PCDH17: variants seen among roughly 807,000 people sequenced by gnomAD.
PCDH17 encodes the protein protocadherin 17.
Under a neutral mutation model 67.7 loss-of-function variants are expected in PCDH17, and 21 were observed. The observed-to-expected ratio is 0.31, with a 90% CI of 0.22 to 0.45. PCDH17 has a LOEUF of 0.45. Ranked by LOEUF, PCDH17 falls within the 20% of genes least tolerant of loss-of-function variation. PCDH17 has a pLI of 1.00. For synonymous variants in PCDH17, 701 were observed against 656.7 expected (o/e 1.07, Z -1.03); for missense variants, 1,471 against 1,564.8 (o/e 0.94, Z 1.01).
intron 3 of PCDH17, among the ~76,000 whole-genome samples, chr13:57,675,804 T>C (rs111664665): frequency 2.0e-5 from 3 of 151,866 alleles, no homozygotes; most frequent in Non-Finnish European, 2.9e-5. Flanking sequence ...GGAGGTAACA[T>C]TGCAAACTTG....
At position 57,634,781 on chromosome 13, in the gene PCDH17, C is replaced by T. The variant is rs141026237; in HGVS notation, c.2235C>T (p.Ala745=). Residue 745 remains alanine, a synonymous_variant, in exon 1 of 4, where the codon GCC becomes GCT. Transcript: ENST00000377918. The surrounding 1 kb of genome is among the most constrained non-coding windows in gnomAD (Gnocchi z 7.8). ...TCCGCACTTACAACTGCCGCATCGC[C>T]GAGTACAGCCACCCGCAGCTGGGTG... ...KEIRTYNCRI[A]EYSHPQLGGG... 10 of 1,614,004 alleles carry T rather than the reference C, an allele frequency of 6.2e-6. No individual in the cohort carries two copies. Among genetic ancestry groups the T allele is most frequent in the Non-Finnish European group, 8.5e-6 (10 of 1,180,024 alleles).
At chr13:57,679,807 T>C (rs1386288419) in intron 3 of PCDH17, among the ~76,000 whole-genome samples, 1 of 151,454 alleles carries the variant, frequency 6.6e-6, no homozygotes, top group Non-Finnish European at 1.5e-5. Context: ...CTGAGAAAAT[T>C]TTAATGCATA....
At chr13:57,641,290 G>A (rs890849795) in intron 1 of PCDH17, among the ~76,000 whole-genome samples, 4 of 151,020 alleles carry the variant, frequency 2.6e-5, no homozygotes, top group Non-Finnish European at 5.9e-5. Flanking sequence ...TGGTCTTCTG[G>A]AATAAGTTAT....
chr13:57,690,504 C>G (rs1165997297), intron 3 of PCDH17, among the ~76,000 whole-genome samples: 1 of 151,524 alleles, frequency 6.6e-6, no homozygotes, highest in African/African-American at 2.4e-5. Context: ...TAAGGGAGTT[C>G]AAGTTTTAGA....
At chr13:57,643,021 T>C (rs1954922942) in intron 1 of PCDH17, among the ~76,000 whole-genome samples, 1 of 151,618 alleles carries the variant, frequency 6.6e-6, no homozygotes, top group South Asian at 2.1e-4. Context: ...GCTAAAATAG[T>C]TCATTTTATT....
At position 57,632,716 on chromosome 13, in the gene PCDH17, G is replaced by T; in HGVS notation, c.170G>T (p.Gly57Val). 1 of 1,611,616 alleles carries T rather than the reference G, an allele frequency of 6.2e-7. No homozygotes were observed. The highest frequency in any genetic ancestry group is 8.5e-7 in the Non-Finnish European group (1 of 1,179,912). The change falls in exon 1 of 4, where the codon GGG becomes GTG. Residue 57 changes from glycine to valine, a missense_variant. Physicochemically the swap from Gly to Val is moderately radical, Grantham distance 109. Around this residue, in one of 3 missense-constraint regions of PCDH17, gnomAD observed 1,163 missense variants for 1,230.0 expected, o/e 0.95. Transcript: ENST00000377918. ...CCGCCTGCAGAGCGCGGCGGCGGAG[G>T]GCGCAGCAAGTCGGGTAGCTACCGG... ...GLPPAERGGG[G>V]RSKSGSYRVL...
intron 3 of PCDH17, among the ~76,000 whole-genome samples, chr13:57,675,771 TAGAG>T (rs760797031): frequency 9.6e-4 from 146 of 152,034 alleles, no homozygotes; most frequent in Non-Finnish European, 1.6e-3. Flanking sequence ...CAAAGCCTGA[TAGAG>T]AGCCATTAGG....
At chr13:57,684,701 A>C (rs904592607) in intron 3 of PCDH17, among the ~76,000 whole-genome samples, 1 of 151,998 alleles carries the variant, frequency 6.6e-6, no homozygotes, top group Non-Finnish European at 1.5e-5. Context: ...GGGGCAAGTT[A>C]TTGGTTTTAC....
chr13:57,658,643 C>A (rs1479459646), intron 1 of PCDH17, among the ~76,000 whole-genome samples: 1 of 152,126 alleles, frequency 6.6e-6, no homozygotes, highest in Non-Finnish European at 1.5e-5. Context: ...GCTAAATGTA[C>A]ATCTGTGAAA....
intron 3 of PCDH17, among the ~76,000 whole-genome samples, chr13:57,719,695 G>A (rs960338544): frequency 2.0e-5 from 3 of 151,948 alleles, no homozygotes; most frequent in African/African-American, 7.2e-5. Flanking sequence ...TTCTGCCTGA[G>A]AGCAAAACAG....
rs1955260107 is a variant in PCDH17 at position 57,666,709 on chromosome 13, G to A, written c.2673G>A (p.Gly891=). The A allele has an allele frequency of 6.2e-7, 1 of 1,613,656 alleles. No individual in the cohort carries two copies. Among genetic ancestry groups the A allele is most frequent in the East Asian group, 2.2e-5 (1 of 44,862 alleles). The change falls in exon 3 of 4, where the codon GGG becomes GGA. Residue 891 remains glycine, a synonymous_variant. Transcript: ENST00000377918. The part of the protein sequence containing the change: ...DPERASLRDS[G]HGDSDQADSD... ...AAAGAGCCAGCCTGAGAGACAGTGG[G>A]CACGGGGACAGTGATCAGGCTGACA...
intron 3 of PCDH17, among the ~76,000 whole-genome samples, chr13:57,685,112 C>T (rs550584844): frequency 6.6e-6 from 1 of 151,950 alleles, no homozygotes; most frequent in African/African-American, 2.4e-5. Context: ...CATATAAATT[C>T]TTATTAAAAT....
chr13:57,721,409 A>G (rs1421399051), intron 3 of PCDH17, among the ~76,000 whole-genome samples: 3 of 152,088 alleles, frequency 2.0e-5, no homozygotes, highest in Non-Finnish European at 4.4e-5. Flanking sequence ...GGCTATCTAA[A>G]TAATTTGCTT....
intron 3 of PCDH17, among the ~76,000 whole-genome samples, chr13:57,707,119 A>G (rs1157084294): frequency 6.6e-6 from 1 of 152,052 alleles, no homozygotes. Flanking sequence ...CTTAGCTTGG[A>G]GATCTGAGCT....
chr13:57,660,910 G>A (rs1178407789), intron 1 of PCDH17, among the ~76,000 whole-genome samples: 4 of 152,154 alleles, frequency 2.6e-5, no homozygotes, highest in Admixed American at 6.5e-5. Context: ...GTATGAATAT[G>A]TATGATGGTC....
At chr13:57,681,553 A>G (rs1955450700) in intron 3 of PCDH17, among the ~76,000 whole-genome samples, 1 of 151,802 alleles carries the variant, frequency 6.6e-6, no homozygotes, top group South Asian at 2.1e-4. Context: ...GTTTATTGCT[A>G]CAGATTCTGC....
At chr13:57,672,572 G>C (rs941258104) in intron 3 of PCDH17, among the ~76,000 whole-genome samples, 1 of 151,936 alleles carries the variant, frequency 6.6e-6, no homozygotes, top group Non-Finnish European at 1.5e-5. Context: ...GTTGAGGCTC[G>C]TGCCCACCTG....
At chr13:57,640,347 T>G (rs1954875801) in intron 1 of PCDH17, among the ~76,000 whole-genome samples, 1 of 152,064 alleles carries the variant, frequency 6.6e-6, no homozygotes, top group African/African-American at 2.4e-5. Context: ...TGCCTGTATT[T>G]ATGAAAATAT....
chr13:57,692,116 T>A (rs1006086828), intron 3 of PCDH17, among the ~76,000 whole-genome samples: 1 of 151,222 alleles, frequency 6.6e-6, no homozygotes, highest in Non-Finnish European at 1.5e-5. Flanking sequence ...TCTTACTATT[T>A]CTTTTCATCC....
Sources: allele counts gnomAD v4.1 joint callset (sites outside exome capture counted in the v4.1 genomes callset), GRCh38; gene constraint gnomAD v4.1.1; regional missense constraint gnomAD v4.1.1; non-coding constraint Gnocchi (gnomAD v3.1); transcripts MANE v1.5; gene names NCBI Gene and HGNC (gene_info 2026-07-23, HGNC 2026-07-21).